SPRED1: variants seen among roughly 807,000 people sequenced by gnomAD.
SPRED1 encodes the protein sprouty related EVH1 domain containing 1, also known as sprouty-related, EVH1 domain-containing protein 1.
SPRED1 carries 18 observed loss-of-function variants against 52.3 expected under a neutral mutation model. That is an observed-to-expected ratio of 0.34 (90% CI 0.24 to 0.51). The LOEUF is 0.51. SPRED1 is among the 20% of genes least tolerant of loss of function. The pLI is 0.97. For missense variants in SPRED1, 485 were observed against 551.0 expected, an observed-to-expected ratio of 0.88 and a Z score of 1.20; for synonymous variants, 155 against 179.7, an observed-to-expected ratio of 0.86 and a Z score of 1.10.
At chr15:38,309,647 A>G (rs1895321975) in intron 2 of SPRED1, among the ~76,000 whole-genome samples, 1 of 152,064 alleles carries the variant, frequency 6.6e-6, no homozygotes, top group Non-Finnish European at 1.5e-5. Flanking sequence ...CTTTGGTGAC[A>G]AGTCCAAGAA....
At chr15:38,320,059 AT>A (rs1895571878) in intron 2 of SPRED1, among the ~76,000 whole-genome samples, 1 of 152,190 alleles carries the variant, frequency 6.6e-6, no homozygotes. Flanking sequence ...AATTGTAAAA[AT>A]ATAGTAAAAT....
At chr15:38,267,468 A>G (rs1348038599) in intron 1 of SPRED1, among the ~76,000 whole-genome samples, 2 of 152,154 alleles carry the variant, frequency 1.3e-5, no homozygotes, top group Non-Finnish European at 2.9e-5. Context: ...CTTAATATGA[A>G]CTGCCACTTC....
intron 4 of SPRED1, among the ~76,000 whole-genome samples, chr15:38,332,635 T>C (rs948295705): frequency 2.6e-5 from 4 of 152,208 alleles, no homozygotes; most frequent in African/African-American, 7.2e-5. Flanking sequence ...ACACTTTTTT[T>C]CTAATGTATC....
intron 5 of SPRED1, among the ~76,000 whole-genome samples, chr15:38,342,294 A>G (rs1340198811): frequency 1.3e-5 from 2 of 151,970 alleles, no homozygotes; most frequent in African/African-American, 4.8e-5. Flanking sequence ...CATCCTTAAA[A>G]TCTATCCTGT....
At chr15:38,256,408 T>C (rs1566845452) in intron 1 of SPRED1, among the ~76,000 whole-genome samples, 1 of 152,262 alleles carries the variant, frequency 6.6e-6, no homozygotes, top group East Asian at 1.9e-4. Context: ...TATTATATAA[T>C]ACTTAAGAGT....
chr15:38,280,082 A>G (rs1239493221), intron 1 of SPRED1, among the ~76,000 whole-genome samples: 3 of 152,060 alleles, frequency 2.0e-5, no homozygotes, highest in Admixed American at 2.0e-4. Flanking sequence ...GCCTTGGTCA[A>G]TTTTTTCCTA....
chr15:38,285,928 A>C (rs1258904722), intron 1 of SPRED1, among the ~76,000 whole-genome samples: 1 of 152,156 alleles, frequency 6.6e-6, no homozygotes. Flanking sequence ...TTACTCATTC[A>C]TGCCCTTTAT....
chr15:38,278,523 A>T (rs1008562541), intron 1 of SPRED1, among the ~76,000 whole-genome samples: 2 of 152,092 alleles, frequency 1.3e-5, no homozygotes, highest in Non-Finnish European at 2.9e-5. Flanking sequence ...CTTTTTGTAT[A>T]CTTTTTGTGT....
intron 4 of SPRED1, among the ~76,000 whole-genome samples, chr15:38,330,485 A>G (rs16966767): frequency 0.044 from 6,695 of 152,226 alleles, 244 homozygotes; most frequent in African/African-American, 0.09. Flanking sequence ...ATGAATTGCA[A>G]CTGGAAACAC....
intron 2 of SPRED1, among the ~76,000 whole-genome samples, chr15:38,308,029 G>A: frequency 6.6e-6 from 1 of 152,084 alleles, no homozygotes; most frequent in Non-Finnish European, 1.5e-5. Flanking sequence ...GGAATTTAAA[G>A]GAATTTCTAA....
chr15:38,308,781 A>C (rs563857463), intron 2 of SPRED1, among the ~76,000 whole-genome samples: 1 of 152,284 alleles, frequency 6.6e-6, no homozygotes, highest in Admixed American at 6.5e-5. Flanking sequence ...GTTGCTGTGA[A>C]CATTCACATA....
intron 2 of SPRED1, among the ~76,000 whole-genome samples, chr15:38,300,874 G>T (rs1239581281): frequency 5.9e-5 from 9 of 152,092 alleles, no homozygotes; most frequent in Admixed American, 5.9e-4. Flanking sequence ...GCCTATGATG[G>T]TATAATGCTT....
intron 1 of SPRED1, among the ~76,000 whole-genome samples, chr15:38,257,115 T>C (rs4924228): frequency 0.84 from 127,000 of 151,740 alleles, 53,677 homozygotes; most frequent in Non-Finnish European, 0.9. Context: ...TTTGTAAATT[T>C]GTCATTTTTC....
At chr15:38,343,917 T>G (rs997984031) in intron 5 of SPRED1, among the ~76,000 whole-genome samples, 5 of 152,192 alleles carry the variant, frequency 3.3e-5, no homozygotes, top group Admixed American at 2.6e-4. Context: ...AAATTTATTA[T>G]GAAATTTTAT....
chr15:38,320,889 C>T (rs1895589452), intron 2 of SPRED1, among the ~76,000 whole-genome samples: 1 of 152,092 alleles, frequency 6.6e-6, no homozygotes, highest in African/African-American at 2.4e-5. Context: ...AAGACAGGCC[C>T]AGGAACGAAA....
intron 1 of SPRED1, among the ~76,000 whole-genome samples, chr15:38,273,064 A>G (rs1015676891): frequency 2.6e-5 from 4 of 152,120 alleles, no homozygotes; most frequent in African/African-American, 7.2e-5. Context: ...TTTTGTTACA[A>G]TTGCTTTGGA....
intron 5 of SPRED1, 39 bp downstream of exon 5, chr15:38,339,934 T>C (rs1895997566): frequency 6.2e-7 from 1 of 1,612,762 alleles, no homozygotes; most frequent in Admixed American, 1.7e-5. Flanking sequence ...GTTGTTTATA[T>C]GTGTAGAAAT....
At chr15:38,267,697 A>C (rs1241090934) in intron 1 of SPRED1, among the ~76,000 whole-genome samples, 3 of 152,202 alleles carry the variant, frequency 2.0e-5, no homozygotes, top group African/African-American at 7.2e-5. Flanking sequence ...TTATAATGTT[A>C]CTACTCCCAT....
chr15:38,304,229 G>A (rs1895205846), intron 2 of SPRED1, among the ~76,000 whole-genome samples: 2 of 152,060 alleles, frequency 1.3e-5, no homozygotes, highest in Admixed American at 1.3e-4. Context: ...TTCTGCCTTG[G>A]GTTGAACTTT....
Sources: gnomAD v4.1 joint callset for allele counts (sites outside exome capture counted in the v4.1 genomes callset) on GRCh38, gnomAD v4.1.1 for gene constraint, MANE v1.5 for transcripts, NCBI Gene and HGNC (gene_info 2026-07-23, HGNC 2026-07-21) for gene names.